The following LRBA variants were observed in gnomAD, a reference collection of about 807,000 sequenced individuals.
LRBA encodes lipopolysaccharide-responsive and beige-like anchor protein.
Under a neutral mutation model 330.0 loss-of-function variants are expected in LRBA, and 176 were observed. The observed-to-expected ratio is 0.53, with a 90% confidence interval of 0.47 to 0.60. The LOEUF is 0.60. Among genes scored for constraint, LRBA ranks in the 20% least tolerant of loss-of-function variants. The pLI is 0.00. For synonymous variants in LRBA, 1,230 were observed against 1,193.0 expected (o/e 1.03, Z -0.64); for missense variants, 3,259 against 3,444.8 (o/e 0.95, Z 1.35).
At chr4:150,696,987 C>T (rs1424018164) in intron 36 of LRBA, among the ~76,000 whole-genome samples, 1 of 150,494 alleles carries the variant, frequency 6.6e-6, no homozygotes, top group Admixed American at 6.6e-5. Context: ...CTACTCCAGC[C>T]TGGGTGACAG....
At chr4:150,546,133 A>T (rs1477414724) in intron 40 of LRBA, among the ~76,000 whole-genome samples, 1 of 152,168 alleles carries the variant, frequency 6.6e-6, no homozygotes, top group African/African-American at 2.4e-5. Context: ...TGCTATTGCG[A>T]TATTACGACT....
intron 44 of LRBA, among the ~76,000 whole-genome samples, chr4:150,447,832 G>A (rs1053865208): frequency 5.3e-5 from 8 of 152,132 alleles, no homozygotes; most frequent in African/African-American, 1.7e-4. Context: ...TCTGGTAATA[G>A]ATGGCAAAAC....
At chr4:150,821,133 TG>T (rs1235620516) in intron 30 of LRBA, among the ~76,000 whole-genome samples, 1 of 152,144 alleles carries the variant, frequency 6.6e-6, no homozygotes, top group Non-Finnish European at 1.5e-5. Context: ...GAACAATTAT[TG>T]GAACTTTTTA....
chr4:150,685,421 T>TATATATATATATATA lies in LRBA; in HGVS notation c.5755-1705_5755-1704insTATATATATATATAT, dbSNP rs58013900. The stretch of plus-strand genomic sequence containing the variant: ...ATATATATATATATATATATATATA[T>TATATATATATATATA]TTTTTTTTTTTTTTTTTTTTTTTTT... On this transcript the variant is annotated intron_variant, in intron 36 of 56. Coordinates refer to ENST00000651943, the MANE Select transcript of LRBA (RefSeq NM_001364905.1). 5.4e-3 allele frequency among the ~76,000 whole-genome samples: 59 copies of TATATATATATATATA among 11,022 alleles called. 1 individual carries two copies. The highest frequency in any genetic ancestry group is 0.012 in the South Asian group (2 of 168). 7.2% of individuals were successfully genotyped at this position (11,022 alleles called of 152,430 possible).
intron 2 of LRBA, among the ~76,000 whole-genome samples, chr4:150,972,417 G>T (rs1376570645): frequency 6.6e-6 from 1 of 152,010 alleles, no homozygotes; most frequent in East Asian, 1.9e-4. Flanking sequence ...GAAAAAACAG[G>T]ATTTTAGATA....
chr4:150,783,829 G>C (rs1360490950), intron 34 of LRBA, among the ~76,000 whole-genome samples: 1 of 152,150 alleles, frequency 6.6e-6, no homozygotes, highest in African/African-American at 2.4e-5. Context: ...AGTCAGCATG[G>C]AAATAAGTAT....
At chr4:150,408,443 T>C (rs901021563) in intron 47 of LRBA, among the ~76,000 whole-genome samples, 3 of 152,170 alleles carry the variant, frequency 2.0e-5, no homozygotes, top group African/African-American at 7.2e-5. Flanking sequence ...GCGTCAGTGG[T>C]GAATTCCACC....
At chr4:150,443,853 A>AAATATATATATAT (rs70941406) in intron 44 of LRBA, among the ~76,000 whole-genome samples, 112 of 75,432 alleles carry the variant, frequency 1.5e-3, no homozygotes, top group Non-Finnish European at 2.5e-3. Flanking sequence ...TAATTAAAAA[A>AAATATATATATAT]ATATATATAT....
chr4:150,927,583 T>C (rs1734021908), intron 4 of LRBA, among the ~76,000 whole-genome samples: 1 of 152,058 alleles, frequency 6.6e-6, no homozygotes, highest in African/African-American at 2.4e-5. Flanking sequence ...TATCTGTAAT[T>C]GGAGTCCCAG....
At chr4:150,897,392 T>C (rs1730207316) in intron 15 of LRBA, among the ~76,000 whole-genome samples, 1 of 152,022 alleles carries the variant, frequency 6.6e-6, no homozygotes, top group African/African-American at 2.4e-5. Context: ...TCTCAAAATC[T>C]GAATGTCAGT....
intron 17 of LRBA, among the ~76,000 whole-genome samples, chr4:150,878,979 C>A (rs1228241634): frequency 6.6e-6 from 1 of 150,978 alleles, no homozygotes; most frequent in Non-Finnish European, 1.5e-5. Flanking sequence ...TAAAAATATT[C>A]AAAAAACTTG....
At position 150,900,134 on chromosome 4, in the gene LRBA, T is replaced by C; in HGVS notation, c.1839A>G (p.Thr613=). 6.2e-7 allele frequency: 1 copy of C among 1,613,096 alleles called. No individual in the cohort carries two copies. The highest frequency in any genetic ancestry group is 8.5e-7 in the Non-Finnish European group (1 of 1,179,112). Residue 613 remains threonine (T), a synonymous_variant, in exon 14 of 57, where the codon ACA becomes ACG. Transcript: ENST00000651943. ...NIYNTIRRVG[T]VLLIMHTLKY... is the part of the protein sequence containing the mutation. ...TCAGCGTGTGCATGATGAGAAGCACTGTTCCAACTCTCCGAATGGTGTTAT... is the reference window on the plus strand; with the variant it reads ...TCAGCGTGTGCATGATGAGAAGCACCGTTCCAACTCTCCGAATGGTGTTAT...
intron 40 of LRBA, among the ~76,000 whole-genome samples, chr4:150,587,409 C>T (rs574955434): frequency 1.1e-4 from 16 of 152,192 alleles, no homozygotes; most frequent in African/African-American, 3.9e-4. Context: ...CATTCTTTTT[C>T]TTGAAATAAA....
intron 17 of LRBA, 147 bp downstream of exon 17, chr4:150,892,905 C>A (rs1729617157): frequency 4.0e-6 from 2 of 502,998 alleles, no homozygotes; most frequent in Non-Finnish European, 7.1e-6. Context: ...AAAAAAAATG[C>A]ATGATTATAA....
intron 36 of LRBA, among the ~76,000 whole-genome samples, chr4:150,684,586 C>T (rs776713313): frequency 8.5e-5 from 13 of 152,108 alleles, no homozygotes; most frequent in Non-Finnish European, 1.8e-4. Flanking sequence ...ACTATAATTG[C>T]TAGTCTCCAA....
chr4:150,881,166 G>C (rs1728336107), intron 17 of LRBA, among the ~76,000 whole-genome samples: 2 of 151,956 alleles, frequency 1.3e-5, no homozygotes, highest in South Asian at 4.1e-4. Flanking sequence ...TTTATTACCG[G>C]GTACATATCC....
At chr4:150,685,237 G>A (rs1783432185) in intron 36 of LRBA, among the ~76,000 whole-genome samples, 1 of 150,332 alleles carries the variant, frequency 6.7e-6, no homozygotes, top group African/African-American at 2.4e-5. Context: ...CAACCCCTAT[G>A]AGACTTTTTA....
At chr4:150,786,758 T>C (rs1293435207) in intron 34 of LRBA, among the ~76,000 whole-genome samples, 2 of 152,158 alleles carry the variant, frequency 1.3e-5, no homozygotes, top group Non-Finnish European at 2.9e-5. Flanking sequence ...CTGATCTGAG[T>C]ACTAATAAAA....
chr4:150,971,721 GA>G (rs1356061691), intron 2 of LRBA, among the ~76,000 whole-genome samples: 15 of 152,080 alleles, frequency 9.9e-5, no homozygotes, highest in African/African-American at 3.4e-4. Flanking sequence ...ATAAACAAAT[GA>G]AACATTAAGA....
Sources: gnomAD v4.1 joint callset for allele counts (sites outside exome capture counted in the v4.1 genomes callset) on GRCh38, gnomAD v4.1.1 for gene constraint, MANE v1.5 for transcripts, NCBI Gene and HGNC (gene_info 2026-07-23, HGNC 2026-07-21) for gene names.